Variants in KIAA0825 observed in about 807,000 individuals in gnomAD.
KIAA0825 encodes uncharacterized protein KIAA0825.
Under a neutral mutation model 147.6 loss-of-function variants are expected in KIAA0825, and 119 were observed. That is an observed-to-expected ratio of 0.81 (90% CI 0.69 to 0.94). The LOEUF is 0.94. Among genes scored for constraint, KIAA0825 ranks in the 40% least tolerant of loss-of-function variants. The probability of loss-of-function intolerance (pLI) is 0.00; values close to 1 mark genes in which losing one functional copy is unlikely to be tolerated. For missense variants in KIAA0825, 1,381 were observed against 1,472.7 expected (o/e 0.94, Z 1.02); for synonymous variants, 470 against 518.1 (o/e 0.91, Z 1.26).
At chr5:94,609,715 G>A (rs960437155) in intron 1 of KIAA0825, among the ~76,000 whole-genome samples, 1 of 152,114 alleles carries the variant, frequency 6.6e-6, no homozygotes, top group Admixed American at 6.6e-5. Context: ...GTGGGAGGCC[G>A]AGGCAGGAGA....
rs151094163 is a variant in KIAA0825, at chr5:94,483,403, G to A, written c.1132+1366C>T. Among the ~76,000 whole-genome samples the A allele has an allele frequency of 2.5e-3, 377 of 151,968 alleles. 1 individual carries two copies. Among genetic ancestry groups the A allele is most frequent in the Non-Finnish European group, 3.8e-3 (256 of 67,820 alleles). On this transcript the variant is annotated intron_variant, in intron 6 of 20. Transcript: ENST00000682413. ...GAGATGACAAATCTTAGCCAGGCAC[G>A]GTGGATGAGTACCAACTCCAATGTC...
At chr5:94,173,793 C>T (rs1211006425) in intron 20 of KIAA0825, among the ~76,000 whole-genome samples, 1 of 152,146 alleles carries the variant, frequency 6.6e-6, no homozygotes, top group Non-Finnish European at 1.5e-5. Flanking sequence ...ATCCACCACA[C>T]TTAGAGAAGT....
intron 14 of KIAA0825, among the ~76,000 whole-genome samples, chr5:94,425,224 A>C (rs961852237): frequency 4.6e-5 from 7 of 152,208 alleles, no homozygotes; most frequent in African/African-American, 1.7e-4. Flanking sequence ...CATAAATGCA[A>C]AAATTGTCAA....
rs1406920554 is a variant in KIAA0825 at position 94,471,576 on chromosome 5, C to G, written c.1611G>C (p.Glu537Asp). 2.5e-5 allele frequency: 39 copies of G among 1,551,758 alleles called. No homozygotes were observed. Among genetic ancestry groups the G allele is most frequent in the Non-Finnish European group, 3.2e-5 (37 of 1,147,040 alleles). Reference sequence around the variant, plus strand: ...TTTTCAGGGGTGCTTTGGAAGGAACCTCCTTGGCTCTCTCTTGCAGTCTCT... The same window carrying G: ...TTTTCAGGGGTGCTTTGGAAGGAACGTCCTTGGCTCTCTCTTGCAGTCTCT... ...VLQRLQERAKEVPSKAPLKNL... is the reference protein window; with the variant it reads ...VLQRLQERAKDVPSKAPLKNL... Residue 537 changes from glutamate (E) to aspartate (D), a missense_variant, in exon 9 of 21, where the codon GAG becomes GAC. By Grantham distance (45) the Glu-to-Asp change is conservative. Transcript: ENST00000682413.
chr5:94,279,111 A>T (rs1329148531), intron 20 of KIAA0825, among the ~76,000 whole-genome samples: 1 of 152,074 alleles, frequency 6.6e-6, no homozygotes, highest in Admixed American at 6.6e-5. Flanking sequence ...ATAAACTATG[A>T]ATTAGTAACA....
intron 12 of KIAA0825, 135 bp downstream of exon 12, chr5:94,462,252 T>G (rs1759931684): frequency 1.9e-6 from 1 of 512,976 alleles, no homozygotes; most frequent in South Asian, 3.7e-5. Context: ...TAAAATGGCC[T>G]AGTTCACAGT....
At chr5:94,585,686 G>T (rs193144537) in intron 1 of KIAA0825, among the ~76,000 whole-genome samples, 1 of 151,976 alleles carries the variant, frequency 6.6e-6, no homozygotes, top group Non-Finnish European at 1.5e-5. Flanking sequence ...TGGACCAACC[G>T]GGCTTAATAG....
intron 5 of KIAA0825, among the ~76,000 whole-genome samples, chr5:94,496,576 T>G (rs1172238377): frequency 6.6e-6 from 1 of 152,182 alleles, no homozygotes; most frequent in Non-Finnish European, 1.5e-5. Flanking sequence ...AGCAATAATG[T>G]ACCCATATCC....
chr5:94,283,361 A>G (rs1242987020), intron 20 of KIAA0825, among the ~76,000 whole-genome samples: 1 of 152,080 alleles, frequency 6.6e-6, no homozygotes, highest in Non-Finnish European at 1.5e-5. Context: ...CTGGAAATAA[A>G]ATTTAAAGTT....
chr5:94,259,192 G>T (rs1039336915), intron 20 of KIAA0825, among the ~76,000 whole-genome samples: 1 of 151,984 alleles, frequency 6.6e-6, no homozygotes, highest in Non-Finnish European at 1.5e-5. Context: ...TCTAAATTTT[G>T]TGTGCCAACT....
chr5:94,424,092 C>T (rs953887204), intron 14 of KIAA0825, among the ~76,000 whole-genome samples: 1 of 152,106 alleles, frequency 6.6e-6, no homozygotes, highest in Non-Finnish European at 1.5e-5. Context: ...AAGTTTCCCC[C>T]AGTTTATTGC....
At chr5:94,374,621 T>G (rs946312504) in intron 20 of KIAA0825, among the ~76,000 whole-genome samples, 17 of 152,156 alleles carry the variant, frequency 1.1e-4, no homozygotes. Context: ...TAGGTACTAG[T>G]GCTAGTCCAT....
intron 20 of KIAA0825, among the ~76,000 whole-genome samples, chr5:94,163,568 G>A (rs1028196004): frequency 6.6e-6 from 1 of 152,106 alleles, no homozygotes; most frequent in African/African-American, 2.4e-5. Flanking sequence ...CAGCTTTGAT[G>A]TAAAGAGGAT....
At chr5:94,611,382 C>T (rs1171509289) in intron 1 of KIAA0825, among the ~76,000 whole-genome samples, 2 of 151,952 alleles carry the variant, frequency 1.3e-5, no homozygotes, top group Non-Finnish European at 2.9e-5. Context: ...TTTATATCCC[C>T]AATCCTGAAA....
chr5:94,470,874 T>C lies in KIAA0825; in HGVS notation c.1721+592A>G, dbSNP rs114905957. On this transcript the variant is annotated intron_variant, in intron 9 of 20. Transcript: ENST00000682413. ...AAGAAGCCATGTTATATCTAGACAG[T>C]GTAAGGGCAACAAGAAAGACCATAT... is the stretch of plus-strand genomic sequence containing the variant. Among the ~76,000 whole-genome samples, 1,219 of 152,298 alleles carry C rather than the reference T, an allele frequency of 8.0e-3. 15 individuals carry two copies. The highest frequency in any genetic ancestry group is 0.027 in the African/African-American group (1,120 of 41,568).
chr5:94,399,901 A>C lies in KIAA0825; in HGVS notation c.2888-3392T>G, dbSNP rs914894624. ...AAATTTTATTTATTAATGGTAAAAA[A>C]GATCAATAACAATTTGTTGAATGAG... On this transcript the variant is annotated intron_variant, in intron 16 of 20. Coordinates refer to ENST00000682413, the MANE Select transcript of KIAA0825 (RefSeq NM_001145678.3). 8.5e-5 allele frequency among the ~76,000 whole-genome samples: 13 copies of C among 152,282 alleles called. No homozygotes were observed. In the South Asian group the frequency reaches 2.5e-3, roughly 29 times the overall value.
intron 20 of KIAA0825, among the ~76,000 whole-genome samples, chr5:94,174,487 G>A (rs182233268): frequency 7.9e-5 from 12 of 152,230 alleles, no homozygotes; most frequent in Non-Finnish European, 1.0e-4. Context: ...ATTTGTTGAT[G>A]TGGCAATCTC....
intron 20 of KIAA0825, among the ~76,000 whole-genome samples, chr5:94,258,672 G>T (rs1776356279): frequency 6.6e-6 from 1 of 152,102 alleles, no homozygotes; most frequent in East Asian, 1.9e-4. Context: ...AGAAACAAAA[G>T]TATATGATTT....
intron 2 of KIAA0825, among the ~76,000 whole-genome samples, chr5:94,540,803 G>C (rs1164942863): frequency 6.6e-6 from 1 of 152,150 alleles, no homozygotes; most frequent in Non-Finnish European, 1.5e-5. Context: ...AATACTTTAA[G>C]GTCATAAACT....
Sources: gnomAD v4.1 joint callset for allele counts (sites outside exome capture counted in the v4.1 genomes callset) on GRCh38, gnomAD v4.1.1 for gene constraint, MANE v1.5 for transcripts, NCBI Gene and HGNC (gene_info 2026-07-23, HGNC 2026-07-21) for gene names.